KCNH8: variants seen among roughly 807,000 people sequenced by gnomAD.
The protein encoded by KCNH8 is voltage-gated delayed rectifier potassium channel KCNH8.
A neutral mutation model predicts 103.6 loss-of-function variants in KCNH8; 70 were observed. The observed-to-expected ratio is 0.68, with a 90% confidence interval of 0.56 to 0.82. The LOEUF is 0.82. KCNH8 is among the 40% of genes least tolerant of loss of function. The pLI is 0.00. For synonymous variants in KCNH8, 498 were observed against 489.4 expected (o/e 1.02, Z -0.23); for missense variants, 1,217 against 1,329.9 (o/e 0.92, Z 1.32).
At chr3:19,374,415 G>C (rs1356961136) in intron 5 of KCNH8, among the ~76,000 whole-genome samples, 1 of 151,740 alleles carries the variant, frequency 6.6e-6, no homozygotes, top group African/African-American at 2.4e-5. Context: ...TGTTTTATCA[G>C]AGACTAGGAT....
At chr3:19,216,987 G>A (rs1297966068) in intron 1 of KCNH8, among the ~76,000 whole-genome samples, 1 of 152,166 alleles carries the variant, frequency 6.6e-6, no homozygotes, top group East Asian at 1.9e-4. Flanking sequence ...TGGTGTGAAG[G>A]TAGAAAAGAT....
At chr3:19,351,349 G>T (rs193295784) in intron 5 of KCNH8, among the ~76,000 whole-genome samples, 1 of 152,190 alleles carries the variant, frequency 6.6e-6, no homozygotes, top group Admixed American at 6.5e-5. Flanking sequence ...AACCTAGCAA[G>T]GCAGGCCAAC....
intron 4 of KCNH8, among the ~76,000 whole-genome samples, chr3:19,344,944 T>C (rs987517279): frequency 1.3e-5 from 2 of 152,120 alleles, no homozygotes; most frequent in African/African-American, 4.8e-5. Flanking sequence ...AATCTTCTAA[T>C]TCAAAGCCAC....
At chr3:19,436,522 C>G (rs1403977078) in intron 7 of KCNH8, among the ~76,000 whole-genome samples, 1 of 152,176 alleles carries the variant, frequency 6.6e-6, no homozygotes, top group African/African-American at 2.4e-5. Flanking sequence ...TGGATGTTAC[C>G]TCCTTTCTGT....
chr3:19,319,106 G>A (rs1348903711), intron 3 of KCNH8, among the ~76,000 whole-genome samples: 5 of 151,858 alleles, frequency 3.3e-5, no homozygotes, highest in Non-Finnish European at 4.4e-5. Flanking sequence ...TTCTCCCACT[G>A]TGTGGGTTGT....
chr3:19,179,675 C>T (rs1164715891), intron 1 of KCNH8, among the ~76,000 whole-genome samples: 2 of 151,958 alleles, frequency 1.3e-5, no homozygotes, highest in Non-Finnish European at 2.9e-5. Flanking sequence ...AATACAATAA[C>T]AGATAGTGTT....
At chr3:19,433,430 G>A (rs1331667562) in intron 7 of KCNH8, among the ~76,000 whole-genome samples, 1 of 152,106 alleles carries the variant, frequency 6.6e-6, no homozygotes, top group East Asian at 1.9e-4. Flanking sequence ...TTTAAAAAAT[G>A]TCAATCATTT....
At chr3:19,354,929 T>G (rs1372227443) in intron 5 of KCNH8, among the ~76,000 whole-genome samples, 6 of 152,104 alleles carry the variant, frequency 3.9e-5, no homozygotes, top group Non-Finnish European at 8.8e-5. Context: ...GAAACTACCA[T>G]CAGAGTGAAT....
intron 7 of KCNH8, among the ~76,000 whole-genome samples, chr3:19,420,474 T>G (rs1375676100): frequency 6.6e-6 from 1 of 152,218 alleles, no homozygotes; most frequent in Non-Finnish European, 1.5e-5. Flanking sequence ...ATTTCTAATT[T>G]TATCATCTGC....
At chr3:19,481,577 G>A (rs1012241164) in intron 11 of KCNH8, among the ~76,000 whole-genome samples, 9 of 152,066 alleles carry the variant, frequency 5.9e-5, no homozygotes, top group Non-Finnish European at 4.4e-5. Context: ...GGTCAATAAA[G>A]GTTTTCTGTT....
chr3:19,390,690 C>T, intron 6 of KCNH8, 52 bp downstream of exon 6: 3 of 1,540,764 alleles, frequency 1.9e-6, no homozygotes, highest in Non-Finnish European at 2.6e-6. Context: ...TTATTTATCG[C>T]ATGTTCAGGT....
At chr3:19,312,925 T>G (rs1411026353) in intron 3 of KCNH8, among the ~76,000 whole-genome samples, 1 of 151,888 alleles carries the variant, frequency 6.6e-6, no homozygotes, top group East Asian at 1.9e-4. Context: ...AAAGGATGAC[T>G]TCGTGTTGTT....
At chr3:19,453,254 T>C (rs2067477266) in intron 10 of KCNH8, among the ~76,000 whole-genome samples, 1 of 152,088 alleles carries the variant, frequency 6.6e-6, no homozygotes, top group Non-Finnish European at 1.5e-5. Context: ...ATATACAATG[T>C]ACACCATTCA....
intron 11 of KCNH8, among the ~76,000 whole-genome samples, chr3:19,464,189 TG>T (rs1243606882): frequency 6.6e-6 from 1 of 152,148 alleles, no homozygotes; most frequent in Non-Finnish European, 1.5e-5. Flanking sequence ...GAGGTATGAA[TG>T]CAAGGCTGTA....
intron 3 of KCNH8, among the ~76,000 whole-genome samples, chr3:19,307,198 A>T (rs952603327): frequency 6.6e-6 from 1 of 152,022 alleles, no homozygotes; most frequent in Admixed American, 6.6e-5. Context: ...ACATCTCAAC[A>T]GCAAAACAAA....
chr3:19,365,589 T>G (rs2066000973), intron 5 of KCNH8, among the ~76,000 whole-genome samples: 1 of 152,066 alleles, frequency 6.6e-6, no homozygotes, highest in African/African-American at 2.4e-5. Context: ...AAAAATATAT[T>G]TATTTACTAA....
chr3:19,375,941 A>G (rs2125120598), intron 5 of KCNH8, among the ~76,000 whole-genome samples: 1 of 152,252 alleles, frequency 6.6e-6, no homozygotes, highest in East Asian at 1.9e-4. Flanking sequence ...CCACTTGAGG[A>G]GGCAGTCTGC....
chr3:19,234,609 G>A (rs2064039074), intron 1 of KCNH8, among the ~76,000 whole-genome samples: 1 of 150,080 alleles, frequency 6.7e-6, no homozygotes. Context: ...CCCGGTTCCC[G>A]CCCGCGCTTC....
At chr3:19,359,377 A>G (rs1418973525) in intron 5 of KCNH8, among the ~76,000 whole-genome samples, 1 of 132,548 alleles carries the variant, frequency 7.5e-6, no homozygotes, top group Non-Finnish European at 1.6e-5. Flanking sequence ...ATGTGTATAT[A>G]CATAGAGAAA....
Sources: allele counts gnomAD v4.1 joint callset (sites outside exome capture counted in the v4.1 genomes callset), GRCh38; gene constraint gnomAD v4.1.1; transcripts MANE v1.5; gene names NCBI Gene and HGNC (gene_info 2026-07-23, HGNC 2026-07-21).